LRP1B: variants seen among roughly 807,000 people sequenced by gnomAD.
LRP1B encodes the protein low-density lipoprotein receptor-related protein 1B.
In LRP1B, 217 loss-of-function variants were observed where a neutral mutation model predicts 556.6. The ratio of observed to expected loss-of-function variants is 0.39; its 90% CI spans 0.35 to 0.44. The LOEUF is 0.44. LRP1B is among the 20% of genes least tolerant of loss of function. The pLI, the probability that LRP1B is intolerant of heterozygous loss-of-function variation, is 1.00. For missense variants in LRP1B, 5,053 were observed against 5,620.8 expected, an observed-to-expected ratio of 0.90 and a Z score of 3.23; for synonymous variants, 2,047 against 1,865.8, an observed-to-expected ratio of 1.10 and a Z score of -2.50.
At chr2:141,141,917 T>C (rs1701662583) in intron 7 of LRP1B, among the ~76,000 whole-genome samples, 1 of 152,176 alleles carries the variant, frequency 6.6e-6, no homozygotes, top group Non-Finnish European at 1.5e-5. Context: ...ATTGGTTAGA[T>C]ACTTGTTTCA....
chr2:141,006,100 A>C (rs1697566763), intron 14 of LRP1B, among the ~76,000 whole-genome samples: 1 of 152,030 alleles, frequency 6.6e-6, no homozygotes, highest in Admixed American at 6.6e-5. Context: ...TGAATAACAT[A>C]CATTATTCAT....
At chr2:141,120,902 C>T (rs1218179323) in intron 7 of LRP1B, among the ~76,000 whole-genome samples, 1 of 151,928 alleles carries the variant, frequency 6.6e-6, no homozygotes, top group Non-Finnish European at 1.5e-5. Flanking sequence ...ATTGCAGAGT[C>T]CACCATGCAT....
At chr2:141,724,508 T>A (rs1260371579) in intron 2 of LRP1B, among the ~76,000 whole-genome samples, 1 of 151,866 alleles carries the variant, frequency 6.6e-6, no homozygotes, top group Non-Finnish European at 1.5e-5. Flanking sequence ...GCCTGTTCTG[T>A]GCCAGGGGAG....
chr2:141,887,647 G>A (rs1283706383), intron 1 of LRP1B, among the ~76,000 whole-genome samples: 1 of 152,188 alleles, frequency 6.6e-6, no homozygotes, highest in African/African-American at 2.4e-5. Flanking sequence ...TTTACCAGCT[G>A]TCTGAGGTAC....
At chr2:141,661,287 A>C (rs1340797852) in intron 2 of LRP1B, among the ~76,000 whole-genome samples, 1 of 152,176 alleles carries the variant, frequency 6.6e-6, no homozygotes, top group African/African-American at 2.4e-5. Flanking sequence ...AAATGATCAC[A>C]ACACCTCTCC....
At chr2:141,289,730 G>A (rs1465038744) in intron 3 of LRP1B, among the ~76,000 whole-genome samples, 7 of 152,038 alleles carry the variant, frequency 4.6e-5, no homozygotes, top group African/African-American at 1.2e-4. Context: ...TTTAAAATAC[G>A]CAAAGATGGG....
rs577042194 is a variant in LRP1B, at chr2:141,117,867, A to T, written c.1014-55594T>A. On this transcript the variant is annotated intron_variant, in intron 7 of 90. Coordinates refer to ENST00000389484, the MANE Select transcript of LRP1B (RefSeq NM_018557.3). ...TTTCTAAGTCTGTTAAAACTCACTA[A>T]ATCTTAAAAATAAGCATTTGGTTTG... Among the ~76,000 whole-genome samples, 53 of 152,064 alleles carry T rather than the reference A, an allele frequency of 3.5e-4. 1 individual carries two copies. The South Asian group carries it at 4.8e-3, about 14-fold the overall frequency.
intron 1 of LRP1B, among the ~76,000 whole-genome samples, chr2:141,948,655 T>G (rs1701023451): frequency 6.6e-6 from 1 of 152,050 alleles, no homozygotes; most frequent in African/African-American, 2.4e-5. Flanking sequence ...ATGATAGTGT[T>G]AAGTATAAAA....
intron 83 of LRP1B, among the ~76,000 whole-genome samples, chr2:140,299,354 A>G (rs1159009789): frequency 6.6e-6 from 1 of 152,102 alleles, no homozygotes; most frequent in Non-Finnish European, 1.5e-5. Flanking sequence ...AATGCTAGAG[A>G]CTGATGCTCT....
At chr2:141,708,816 T>C (rs1204725527) in intron 2 of LRP1B, among the ~76,000 whole-genome samples, 1 of 152,068 alleles carries the variant, frequency 6.6e-6, no homozygotes, top group Non-Finnish European at 1.5e-5. Flanking sequence ...CAGAGATGCA[T>C]GCACAAAGAA....
intron 1 of LRP1B, among the ~76,000 whole-genome samples, chr2:141,937,388 A>AAAT (rs1293664711): frequency 2.0e-5 from 3 of 151,462 alleles, no homozygotes; most frequent in Non-Finnish European, 2.9e-5. Flanking sequence ...CCATCTCAAA[A>AAAT]AATAATAATA....
At chr2:140,959,057 A>ATTT (rs35278200) in intron 18 of LRP1B, among the ~76,000 whole-genome samples, 1 of 143,402 alleles carries the variant, frequency 7.0e-6, no homozygotes, top group Non-Finnish European at 1.5e-5. Context: ...TGCTGCTCAG[A>ATTT]TTTTTTTTTT....
At chr2:140,244,540 G>C (rs1681076677) in intron 87 of LRP1B, among the ~76,000 whole-genome samples, 6 of 151,172 alleles carry the variant, frequency 4.0e-5, no homozygotes. Context: ...ATTATGCTGA[G>C]TTTAAAACTC....
chr2:140,554,872 G>GTGTGTGTA (rs1187171265), intron 43 of LRP1B, among the ~76,000 whole-genome samples: 8 of 128,616 alleles, frequency 6.2e-5, no homozygotes, highest in African/African-American at 2.1e-4. Context: ...GTGTGTGTGT[G>GTGTGTGTA]TGTGTGTGTG....
intron 2 of LRP1B, among the ~76,000 whole-genome samples, chr2:141,716,282 A>G (rs1433420540): frequency 6.6e-6 from 1 of 152,232 alleles, no homozygotes; most frequent in Non-Finnish European, 1.5e-5. Flanking sequence ...CAACAGCCAC[A>G]GCAGCAAAAT....
intron 2 of LRP1B, among the ~76,000 whole-genome samples, chr2:141,663,145 C>A (rs1221669314): frequency 2.0e-5 from 3 of 151,996 alleles, no homozygotes; most frequent in Non-Finnish European, 4.4e-5. Flanking sequence ...CCAATGAGAA[C>A]AAAGAGACAA....
intron 7 of LRP1B, among the ~76,000 whole-genome samples, chr2:141,083,515 G>A (rs1476697517): frequency 6.6e-6 from 1 of 152,124 alleles, no homozygotes; most frequent in African/African-American, 2.4e-5. Context: ...AAAAACTACT[G>A]TCATGGTTTG....
chr2:140,552,579 T>C (rs1484238696), intron 43 of LRP1B, among the ~76,000 whole-genome samples: 1 of 152,140 alleles, frequency 6.6e-6, no homozygotes, highest in Non-Finnish European at 1.5e-5. Flanking sequence ...CCTGTTTCAA[T>C]TTCCATGTTA....
rs576798925 is a variant in LRP1B, at chr2:141,464,543, G to T, written c.343+15853C>A. On this transcript the variant is annotated intron_variant, in intron 3 of 90. Transcript: ENST00000389484. ...TTCTCCTGCCTCAGCCTCCTGAGTA[G>T]CTGGGACTACAGTCGCCCGCCACCA... 1.8e-3 allele frequency among the ~76,000 whole-genome samples: 261 copies of T among 146,652 alleles called. 1 individual carries two copies. Among genetic ancestry groups the T allele is most frequent in the Non-Finnish European group, 3.2e-3 (212 of 67,026 alleles).
Sources: gnomAD v4.1 joint callset for allele counts (sites outside exome capture counted in the v4.1 genomes callset) on GRCh38, gnomAD v4.1.1 for gene constraint, MANE v1.5 for transcripts, NCBI Gene and HGNC (gene_info 2026-07-23, HGNC 2026-07-21) for gene names.